ANKRD26: variants seen among roughly 807,000 people sequenced by gnomAD.
ANKRD26 encodes ankyrin repeat domain 26, also known as ankyrin repeat domain-containing protein 26.
A neutral mutation model predicts 208.7 loss-of-function variants in ANKRD26; 141 were observed. The ratio of observed to expected loss-of-function variants is 0.68; its 90% confidence interval spans 0.59 to 0.78. The LOEUF is 0.78. Ranked by LOEUF, ANKRD26 falls within the 30% of genes least tolerant of loss-of-function variation. The probability of loss-of-function intolerance (pLI) is 0.00; values close to 1 mark genes in which losing one functional copy is unlikely to be tolerated. For synonymous variants in ANKRD26, 636 were observed against 660.4 expected (o/e 0.96, Z 0.57); for missense variants, 1,889 against 1,938.7 (o/e 0.97, Z 0.48).
chr10:26,975,758 C>T (rs1348239344), exon 6 of ANKRD26, among the ~76,000 whole-genome samples: 3 of 152,002 alleles, frequency 2.0e-5, no homozygotes, highest in Non-Finnish European at 4.4e-5. Flanking sequence ...AGGAGAATTG[C>T]TTGAACCCAG....
chr10:27,032,495 G>A (rs1384040709), intron 25 of ANKRD26, among the ~76,000 whole-genome samples: 1 of 152,086 alleles, frequency 6.6e-6, no homozygotes, highest in Non-Finnish European at 1.5e-5. Flanking sequence ...AATTAGCCAG[G>A]CGTGGTGGTG....
intron 21 of ANKRD26, among the ~76,000 whole-genome samples, chr10:27,038,713 AAACT>A (rs542147126): frequency 1.5e-3 from 231 of 152,246 alleles, no homozygotes; most frequent in Middle Eastern, 0.01. Context: ...AAAGATCATT[AAACT>A]AACTAAAAAG....
chr10:27,047,734 A>AT (rs1312240205), intron 17 of ANKRD26, among the ~76,000 whole-genome samples: 41 of 44,726 alleles, frequency 9.2e-4, no homozygotes, highest in African/African-American at 1.6e-3. Flanking sequence ...AATAATAATA[A>AT]TAATAATTAT....
At chr10:26,991,308 C>T (rs1014076809), downstream of ANKRD26, among the ~76,000 whole-genome samples, 8 of 152,256 alleles carry the variant, frequency 5.3e-5, no homozygotes, top group African/African-American at 1.9e-4. Context: ...CGGCAACTCT[C>T]GGTCATTGTA....
chr10:27,058,325 G>A (rs1433698358), intron 15 of ANKRD26, among the ~76,000 whole-genome samples: 2 of 152,082 alleles, frequency 1.3e-5, no homozygotes, highest in Non-Finnish European at 2.9e-5. Flanking sequence ...TAATATATTT[G>A]ACATTTTCAC....
chr10:27,013,178 C>A (rs192078298), intron 31 of ANKRD26, 68 bp from the exon 32 acceptor site: 316 of 1,414,870 alleles, frequency 2.2e-4, no homozygotes, highest in Non-Finnish European at 8.2e-5. Flanking sequence ...AAAAGACTTG[C>A]AATTTTTAAA....
chr10:27,053,419 G>A (rs760736643), intron 15 of ANKRD26, 29 bp from the exon 16 acceptor site: 23 of 1,409,504 alleles, frequency 1.6e-5, no homozygotes, highest in Non-Finnish European at 2.3e-5. Context: ...TTAGTTTAAT[G>A]AACTACTTAG....
downstream of ANKRD26, among the ~76,000 whole-genome samples, chr10:26,969,527 C>T (rs530580230): frequency 6.1e-4 from 93 of 152,258 alleles, no homozygotes; most frequent in South Asian, 4.1e-3. Context: ...CAGCCACCTC[C>T]TTGGCAGGGA....
intron 29 of ANKRD26, among the ~76,000 whole-genome samples, chr10:27,020,262 TCAAA>T (rs562406939): frequency 3.1e-4 from 47 of 152,374 alleles, no homozygotes; most frequent in African/African-American, 9.4e-4. Flanking sequence ...ATCCATCACC[TCAAA>T]CATTTATCAT....
chr10:26,972,412 A>G (rs1259666927), downstream of ANKRD26, among the ~76,000 whole-genome samples: 1 of 152,090 alleles, frequency 6.6e-6, no homozygotes, highest in Non-Finnish European at 1.5e-5. Flanking sequence ...GTACTAAGAA[A>G]TGTGCAAGAT....
chr10:27,014,014 C>T (rs2053206860), intron 31 of ANKRD26, among the ~76,000 whole-genome samples: 2 of 152,142 alleles, frequency 1.3e-5, no homozygotes, highest in African/African-American at 4.8e-5. Context: ...GGTAGTTTGT[C>T]TCATGGCACC....
At chr10:27,090,694 G>C (rs1477854234) in intron 4 of ANKRD26, among the ~76,000 whole-genome samples, 2 of 152,170 alleles carry the variant, frequency 1.3e-5, no homozygotes, top group Non-Finnish European at 2.9e-5. Context: ...ATCTAAAGTA[G>C]GCAAAGATTT....
At chr10:27,089,464 A>C (rs1381208488) in intron 4 of ANKRD26, among the ~76,000 whole-genome samples, 1 of 152,232 alleles carries the variant, frequency 6.6e-6, no homozygotes. Flanking sequence ...TGGGACCCCT[A>C]TGGATTAAGT....
chr10:27,074,123 A>G (rs1250439786), intron 9 of ANKRD26, among the ~76,000 whole-genome samples: 3 of 152,256 alleles, frequency 2.0e-5, no homozygotes, highest in Admixed American at 6.5e-5. Flanking sequence ...AAAAAACAGC[A>G]TTCTATAATC....
the ANKRD26 span, among the ~76,000 whole-genome samples, chr10:26,961,815 T>G: frequency 6.6e-6 from 1 of 152,222 alleles, no homozygotes; most frequent in Admixed American, 6.5e-5. Flanking sequence ...ATAACCATTG[T>G]TATCTCTAGG....
chr10:27,024,574 A>C lies in ANKRD26; in HGVS notation c.3973-15T>G. 1 of 1,365,626 alleles carries C rather than the reference A, an allele frequency of 7.3e-7. No homozygotes were observed. The highest frequency in any genetic ancestry group is 1.0e-6 in the Non-Finnish European group (1 of 958,960). The allele number at this position is 1,365,626 out of a possible 1,614,324, so 84.6% of individuals were successfully genotyped here. On this transcript the variant is annotated splice_polypyrimidine_tract_variant and intron_variant, in intron 27 of 33. Transcript: ENST00000376087. ...TCATCTTCAGACTTTGAAACAAAAT[A>C]TTTTCAATTACTTTTAAAACTCTGG...
the ANKRD26 span, among the ~76,000 whole-genome samples, chr10:26,961,734 G>A: frequency 6.6e-6 from 1 of 152,024 alleles, no homozygotes; most frequent in African/African-American, 2.4e-5. Context: ...CTATCTCAGA[G>A]GGTCTAGGGA....
intron 9 of ANKRD26, among the ~76,000 whole-genome samples, chr10:27,072,324 T>C (rs868274427): frequency 1.3e-5 from 2 of 152,160 alleles, no homozygotes; most frequent in Non-Finnish European, 2.9e-5. Flanking sequence ...GCTCCTTCTG[T>C]GGATTCTTTT....
intron 4 of ANKRD26, among the ~76,000 whole-genome samples, chr10:27,087,297 C>A (rs1589368528): frequency 6.6e-6 from 1 of 152,094 alleles, no homozygotes. Context: ...GATTTTACTG[C>A]CTTATTTCAC....
Sources: allele counts gnomAD v4.1 joint callset (sites outside exome capture counted in the v4.1 genomes callset), GRCh38; gene constraint gnomAD v4.1.1; transcripts MANE v1.5; gene names NCBI Gene and HGNC (gene_info 2026-07-23, HGNC 2026-07-21).